Variants in ERGIC1 observed in about 807,000 individuals in gnomAD.
ERGIC1 encodes endoplasmic reticulum-Golgi intermediate compartment protein 1.
In ERGIC1, 19 loss-of-function variants were observed where a neutral mutation model predicts 38.3. The observed-to-expected ratio is 0.50, with a 90% CI of 0.35 to 0.73. ERGIC1 has a LOEUF of 0.73. Ranked by LOEUF, ERGIC1 falls within the 30% of genes least tolerant of loss-of-function variation. The probability of loss-of-function intolerance (pLI) is 0.01; values close to 1 mark genes in which losing one functional copy is unlikely to be tolerated. For missense variants in ERGIC1, 294 were observed against 389.2 expected (o/e 0.76, Z 2.06); for synonymous variants, 124 against 157.6 (o/e 0.79, Z 1.60).
intron 1 of ERGIC1, among the ~76,000 whole-genome samples, chr5:172,838,379 G>A (rs556841940): frequency 1.2e-4 from 18 of 152,162 alleles, no homozygotes; most frequent in Non-Finnish European, 2.1e-4. Flanking sequence ...GCCTGCACAG[G>A]TCATGCGGCC....
intron 1 of ERGIC1, among the ~76,000 whole-genome samples, chr5:172,860,955 G>A (rs938779789): frequency 6.6e-6 from 1 of 152,148 alleles, no homozygotes; most frequent in Non-Finnish European, 1.5e-5. Context: ...GCTGGAGACC[G>A]GCCCTGGCAC....
Position 172,872,631 on chromosome 5 carries a change from A to G in ERGIC1, c.21-16068A>G, listed in dbSNP as rs1312826349. 6.6e-5 allele frequency among the ~76,000 whole-genome samples: 10 copies of G among 152,220 alleles called. No homozygotes were observed. In the East Asian group the frequency reaches 1.7e-3, roughly 27 times the overall value. Reference sequence around the variant, plus strand: ...GGAGTTCGAGACCAGCCTGGCCAACATGATGAAACCCTGCCTCTAGTAAAA... The same window carrying G: ...GGAGTTCGAGACCAGCCTGGCCAACGTGATGAAACCCTGCCTCTAGTAAAA... On this transcript the variant is annotated intron_variant, in intron 1 of 9. Transcript: ENST00000393784.
chr5:172,855,710 G>A (rs777918245), intron 1 of ERGIC1, among the ~76,000 whole-genome samples: 4 of 152,190 alleles, frequency 2.6e-5, no homozygotes, highest in Non-Finnish European at 5.9e-5. Flanking sequence ...CGTCCAGCAC[G>A]TGGTACACTG....
chr5:172,911,295 AT>A (rs894207469), intron 4 of ERGIC1, among the ~76,000 whole-genome samples: 49 of 151,962 alleles, frequency 3.2e-4, no homozygotes, highest in African/African-American at 1.1e-3. Flanking sequence ...ATTTTTTGTT[AT>A]TTTTTTTCTT....
chr5:172,938,900 A>G (rs1241705902), intron 9 of ERGIC1, among the ~76,000 whole-genome samples: 1 of 152,012 alleles, frequency 6.6e-6, no homozygotes, highest in African/African-American at 2.4e-5. Flanking sequence ...CATCTCCACT[A>G]AAAGTACAAA....
At chr5:172,927,992 C>T (rs913551246) in intron 7 of ERGIC1, among the ~76,000 whole-genome samples, 5 of 152,094 alleles carry the variant, frequency 3.3e-5, no homozygotes, top group South Asian at 2.1e-4. Context: ...CCTCCAGCAA[C>T]GGATAAGTAT....
In ERGIC1 at chr5:172,834,428, C is replaced by A; in HGVS notation, c.15C>A (p.Phe5Leu). 1 of 1,339,778 alleles carries A rather than the reference C, an allele frequency of 7.5e-7. No individual in the cohort carries two copies. Among genetic ancestry groups the A allele is most frequent in the East Asian group, 3.1e-5 (1 of 32,416 alleles). 83.0% of individuals were successfully genotyped at this position (1,339,778 alleles called of 1,614,324 possible). ...GCGGCGGCACGATGCCCTTTGACTT[C>A]AGGAGGTGAGTGTGGCGACCCCGGC... MPFD[F>L]RRFDIYRKVP... Residue 5 changes from phenylalanine (F) to leucine (L), a missense_variant, in exon 1 of 10, where the codon TTC (phenylalanine) becomes TTA (leucine). Physicochemically the swap from Phe to Leu is conservative, Grantham distance 22. Coordinates refer to ENST00000393784, the MANE Select transcript of ERGIC1 (RefSeq NM_001031711.3). The surrounding 1 kb of genome is among the most constrained non-coding windows in gnomAD (Gnocchi z 4.1).
intron 3 of ERGIC1, chr5:172,905,570 C>A: frequency 2.5e-6 from 1 of 395,180 alleles, no homozygotes; most frequent in Non-Finnish European, 5.3e-6. Flanking sequence ...AACCCGGGCA[C>A]TTAGCCACGC....
chr5:172,930,543 A>G (rs954212510), intron 7 of ERGIC1, among the ~76,000 whole-genome samples: 2 of 152,030 alleles, frequency 1.3e-5, no homozygotes, highest in African/African-American at 2.4e-5. Context: ...GGGTTTCACC[A>G]TGTTGGCCAG....
chr5:172,866,966 T>C (rs1278643434), intron 1 of ERGIC1: 1 of 345,860 alleles, frequency 2.9e-6, no homozygotes, highest in African/African-American at 2.2e-5. Flanking sequence ...CATGAAAAAA[T>C]GCATGAATGT....
chr5:172,943,836 G>A (rs1282846910), intron 9 of ERGIC1, among the ~76,000 whole-genome samples: 1 of 152,188 alleles, frequency 6.6e-6, no homozygotes, highest in African/African-American at 2.4e-5. Flanking sequence ...CGTTCGTGCT[G>A]GTGGAAAAAC....
At chr5:172,907,539 C>G (rs1396174199) in intron 3 of ERGIC1, among the ~76,000 whole-genome samples, 1 of 151,458 alleles carries the variant, frequency 6.6e-6, no homozygotes, top group Non-Finnish European at 1.5e-5. Flanking sequence ...GCCTGAGGGA[C>G]AGAGCAAGAC....
At chr5:172,941,961 C>T (rs1764019824) in intron 9 of ERGIC1, among the ~76,000 whole-genome samples, 1 of 152,176 alleles carries the variant, frequency 6.6e-6, no homozygotes, top group Non-Finnish European at 1.5e-5. Flanking sequence ...AATCCCAGCA[C>T]TTTGGGAGGC....
Position 172,932,623 on chromosome 5 carries a change from ACTT to A in ERGIC1, c.642+88_642+90del, listed in dbSNP as rs1763804054. The A allele has an allele frequency of 8.3e-6, 11 of 1,332,106 alleles. 1 individual carries two copies. Among genetic ancestry groups the A allele is most frequent in the South Asian group, 7.4e-5 (6 of 81,562 alleles). 82.5% of individuals were successfully genotyped at this position (1,332,106 alleles called of 1,614,324 possible). Reference sequence around the variant, plus strand: ...AGATGACAGGCGGCTGCACCGACGCACTTTCTTCTGATTCCTTTCTGGAGGCCT... The same window carrying A: ...AGATGACAGGCGGCTGCACCGACGCATCTTCTGATTCCTTTCTGGAGGCCT... On this transcript the variant is annotated intron_variant, in intron 8 of 9. Transcript: ENST00000393784.
chr5:172,904,298 G>T (rs1305795170), intron 3 of ERGIC1, among the ~76,000 whole-genome samples: 1 of 152,152 alleles, frequency 6.6e-6, no homozygotes, highest in East Asian at 1.9e-4. Flanking sequence ...ACCAAAGAAG[G>T]GTCCCTTGAG....
At chr5:172,885,579 G>T (rs1015763551) in intron 1 of ERGIC1, among the ~76,000 whole-genome samples, 1 of 152,162 alleles carries the variant, frequency 6.6e-6, no homozygotes, top group Non-Finnish European at 1.5e-5. Context: ...GGAACTTTTA[G>T]ATCCCCTGTG....
intron 3 of ERGIC1, among the ~76,000 whole-genome samples, chr5:172,904,818 GC>G (rs994360536): frequency 1.3e-5 from 2 of 152,194 alleles, no homozygotes; most frequent in African/African-American, 4.8e-5. Flanking sequence ...TCATCAGGCA[GC>G]CCAGGTGATT....
intron 1 of ERGIC1, among the ~76,000 whole-genome samples, chr5:172,847,010 C>T (rs1044107531): frequency 6.6e-6 from 1 of 152,198 alleles, no homozygotes; most frequent in Non-Finnish European, 1.5e-5. Context: ...AAACAACCTG[C>T]AGATCTCAGT....
intron 3 of ERGIC1, among the ~76,000 whole-genome samples, chr5:172,902,693 C>G (rs998878200): frequency 6.6e-6 from 1 of 152,102 alleles, no homozygotes; most frequent in African/African-American, 2.4e-5. Flanking sequence ...ATACTTTTAC[C>G]TGGACGACTC....
Sources: allele counts gnomAD v4.1 joint callset (sites outside exome capture counted in the v4.1 genomes callset), GRCh38; gene constraint gnomAD v4.1.1; non-coding constraint Gnocchi (gnomAD v3.1); transcripts MANE v1.5; gene names NCBI Gene and HGNC (gene_info 2026-07-23, HGNC 2026-07-21).